Variants in CR1 observed in about 807,000 individuals in gnomAD.
CR1 encodes the protein complement C3b/C4b receptor 1 (Knops blood group), also known as complement receptor type 1.
CR1 carries 116 observed loss-of-function variants against 187.3 expected under a neutral mutation model. The observed-to-expected ratio is 0.62, with a 90% CI of 0.53 to 0.72. The LOEUF is 0.72. CR1 is among the 30% of genes least tolerant of loss of function. The pLI is 0.00. For synonymous variants in CR1, 576 were observed against 747.1 expected (o/e 0.77, Z 3.73); for missense variants, 1,731 against 2,110.7 (o/e 0.82, Z 3.52).
intron 40 of CR1, 77 bp from the exon 41 acceptor site, chr1:207,616,498 A>G: frequency 6.8e-7 from 1 of 1,472,230 alleles, no homozygotes; most frequent in Non-Finnish European, 9.3e-7. Context: ...TTTTAAGCGC[A>G]CAGTCACAGG....
At chr1:207,581,126 G>A (rs963233790) in intron 31 of CR1, among the ~76,000 whole-genome samples, 9 of 151,696 alleles carry the variant, frequency 5.9e-5, no homozygotes, top group Non-Finnish European at 5.9e-5. Context: ...GTATACATAC[G>A]TATACATATG....
At chr1:207,512,301 G>C (rs1659648989) in intron 4 of CR1, among the ~76,000 whole-genome samples, 1 of 152,056 alleles carries the variant, frequency 6.6e-6, no homozygotes, top group Admixed American at 6.6e-5. Flanking sequence ...AATTCCCTAA[G>C]AAACATAAAA....
chr1:207,601,573 A>G (rs894980619), intron 35 of CR1, among the ~76,000 whole-genome samples: 1 of 152,158 alleles, frequency 6.6e-6, no homozygotes. Context: ...ATCCTCACCA[A>G]CACTTGTCAT....
intron 35 of CR1, among the ~76,000 whole-genome samples, chr1:207,602,316 AG>A: frequency 6.6e-6 from 1 of 152,172 alleles, no homozygotes; most frequent in Non-Finnish European, 1.5e-5. Flanking sequence ...AGTTTGCCAA[AG>A]ATTACAAATG....
At chr1:207,505,060 T>A (rs778846879) in intron 1 of CR1, among the ~76,000 whole-genome samples, 2 of 152,122 alleles carry the variant, frequency 1.3e-5, no homozygotes, top group African/African-American at 2.4e-5. Context: ...CAAAACCATT[T>A]CCCTGCACCC....
chr1:207,515,027 A>G (rs1659745539), intron 4 of CR1, among the ~76,000 whole-genome samples: 1 of 141,552 alleles, frequency 7.1e-6, no homozygotes, highest in African/African-American at 2.5e-5. Flanking sequence ...ACACACACAC[A>G]TATATACATA....
chr1:207,592,135 C>T (rs948194328), intron 35 of CR1, among the ~76,000 whole-genome samples: 1 of 152,064 alleles, frequency 6.6e-6, no homozygotes, highest in Non-Finnish European at 1.5e-5. Flanking sequence ...GGCAGAGACA[C>T]AATAAAAAAG....
chr1:207,515,735 A>G (rs1215484169), intron 4 of CR1, among the ~76,000 whole-genome samples: 1 of 152,040 alleles, frequency 6.6e-6, no homozygotes, highest in African/African-American at 2.4e-5. Context: ...TAGTTTGTCT[A>G]TTGTTTTGTA....
At chr1:207,607,130 G>T in intron 35 of CR1, 121 bp from the exon 36 acceptor site, 1 of 672,292 alleles carries the variant, frequency 1.5e-6, no homozygotes, top group South Asian at 2.2e-5. Context: ...TCTTCCTTCC[G>T]AGGTCTGCCA....
At chr1:207,626,133 G>C (rs1459683932) in intron 45 of CR1, among the ~76,000 whole-genome samples, 1 of 152,100 alleles carries the variant, frequency 6.6e-6, no homozygotes, top group Admixed American at 6.5e-5. Flanking sequence ...GAGCAAAGCC[G>C]GCCCACCTGT....
At position 207,526,472 on chromosome 1, in the gene CR1, G is replaced by T. The variant is rs527517199; in HGVS notation, c.887-281G>T. On this transcript the variant is annotated intron_variant, in intron 5 of 46. Transcript: ENST00000367049. ...GTGAACAGTAATTGGAAGCATTCTAGAAGGAACTGTCCATTGTGAAATCTT... is the reference window on the plus strand; with the variant it reads ...GTGAACAGTAATTGGAAGCATTCTATAAGGAACTGTCCATTGTGAAATCTT... 9.9e-5 allele frequency among the ~76,000 whole-genome samples: 15 copies of T among 150,756 alleles called. No homozygotes were observed. In the South Asian group the frequency reaches 2.9e-3, roughly 30 times the overall value.
intron 27 of CR1, among the ~76,000 whole-genome samples, chr1:207,572,539 T>G (rs1245229573): frequency 6.6e-6 from 1 of 151,982 alleles, no homozygotes; most frequent in East Asian, 1.9e-4. Flanking sequence ...CTTAATAGAC[T>G]ACCATATAGT....
At chr1:207,516,685 A>C (rs575417065) in intron 4 of CR1, among the ~76,000 whole-genome samples, 1 of 152,298 alleles carries the variant, frequency 6.6e-6, no homozygotes, top group South Asian at 2.1e-4. Context: ...ATATTTGTTA[A>C]TGTACATTAT....
chr1:207,577,742 C>T (rs1660797506), intron 28 of CR1, 63 bp from the exon 29 acceptor site: 1 of 1,597,552 alleles, frequency 6.3e-7, no homozygotes, highest in African/African-American at 1.3e-5. Context: ...GCACTCCAGC[C>T]TGGGTGACAG....
At chr1:207,619,836 T>C in intron 42 of CR1, 44 bp from the exon 43 acceptor site, 1 of 1,515,462 alleles carries the variant, frequency 6.6e-7, no homozygotes, top group South Asian at 1.2e-5. Context: ...AAACGGACAA[T>C]CAACAATAAA....
At chr1:207,578,904 T>A (rs1660849926) in intron 29 of CR1, among the ~76,000 whole-genome samples, 1 of 152,242 alleles carries the variant, frequency 6.6e-6, no homozygotes, top group African/African-American at 2.4e-5. Flanking sequence ...TGTCCCACTC[T>A]GTTGCCCAGG....
chr1:207,579,383 T>A (rs1660867910), intron 29 of CR1, among the ~76,000 whole-genome samples: 1 of 152,156 alleles, frequency 6.6e-6, no homozygotes, highest in Admixed American at 6.6e-5. Flanking sequence ...TAAAGGGATA[T>A]AAAGACGGAT....
At chr1:207,623,675 A>G (rs1220107131) in intron 45 of CR1, among the ~76,000 whole-genome samples, 1 of 151,654 alleles carries the variant, frequency 6.6e-6, no homozygotes, top group African/African-American at 2.4e-5. Flanking sequence ...CAGAAAGAGA[A>G]AGTAGGCAGA....
At chr1:207,521,813 TA>T (rs1481443711) in intron 4 of CR1, among the ~76,000 whole-genome samples, 2 of 145,614 alleles carry the variant, frequency 1.4e-5, no homozygotes, top group East Asian at 2.0e-4. Context: ...GGATAATATA[TA>T]TATATATATA....
Sources: gnomAD v4.1 joint callset for allele counts (sites outside exome capture counted in the v4.1 genomes callset) on GRCh38, gnomAD v4.1.1 for gene constraint, MANE v1.5 for transcripts, NCBI Gene and HGNC (gene_info 2026-07-23, HGNC 2026-07-21) for gene names.